RTF2: variants seen among roughly 807,000 people sequenced by gnomAD.
RTF2 encodes the protein replication termination factor 2.
In RTF2, 18 loss-of-function variants were observed where a neutral mutation model predicts 38.0. That is an observed-to-expected ratio of 0.47 (90% CI 0.33 to 0.70). The LOEUF (loss-of-function observed/expected upper bound fraction) is 0.70. Among genes scored for constraint, RTF2 ranks in the 30% least tolerant of loss-of-function variants. The pLI is 0.02. For missense variants in RTF2, 311 were observed against 379.6 expected (o/e 0.82, Z 1.50); for synonymous variants, 126 against 137.1 (o/e 0.92, Z 0.57).
At chr20:56,504,887 T>G (rs1413497532) in intron 5 of RTF2, among the ~76,000 whole-genome samples, 2 of 152,380 alleles carry the variant, frequency 1.3e-5, no homozygotes, top group African/African-American at 4.8e-5. Context: ...GGGGTGCCTC[T>G]GAGACACATG....
chr20:56,474,412 C>T (rs1181991509), intron 2 of RTF2, among the ~76,000 whole-genome samples: 2 of 152,248 alleles, frequency 1.3e-5, no homozygotes, highest in East Asian at 1.9e-4. Context: ...ATCCGGGAGG[C>T]GGAGGTTGCA....
chr20:56,479,520 G>A (rs116884928), intron 4 of RTF2, among the ~76,000 whole-genome samples: 2,126 of 152,208 alleles, frequency 0.014, 29 homozygotes, highest in Non-Finnish European at 0.022. Context: ...CCACCACAGC[G>A]GGCCAAATCA....
chr20:56,513,468 G>C (rs1338558941), intron 6 of RTF2, 40 bp downstream of exon 6: 1 of 1,553,914 alleles, frequency 6.4e-7, no homozygotes, highest in Non-Finnish European at 8.7e-7. Context: ...CCCCATCTCT[G>C]CTCCAGAGCC....
At chr20:56,490,553 G>A (rs1983056380) in intron 5 of RTF2, among the ~76,000 whole-genome samples, 3 of 152,212 alleles carry the variant, frequency 2.0e-5, no homozygotes, top group African/African-American at 7.2e-5. Context: ...GGTGGCTCAC[G>A]CCTGTGATCC....
At chr20:56,507,373 C>T (rs1446940687) in intron 5 of RTF2, among the ~76,000 whole-genome samples, 2 of 152,158 alleles carry the variant, frequency 1.3e-5, no homozygotes, top group Non-Finnish European at 2.9e-5. Flanking sequence ...GGACTCTGCC[C>T]AGTCTCCAGG....
chr20:56,468,797 G>C, intron 1 of RTF2, 31 bp downstream of exon 1: 2 of 1,536,756 alleles, frequency 1.3e-6, no homozygotes, highest in Non-Finnish European at 1.8e-6. Flanking sequence ...CTTGGCGACC[G>C]GGGGTGGTGG....
At chr20:56,468,998 A>G (rs1056550385) in intron 1 of RTF2, among the ~76,000 whole-genome samples, 2 of 152,226 alleles carry the variant, frequency 1.3e-5, no homozygotes, top group Admixed American at 6.5e-5. Flanking sequence ...TCATGTAATT[A>G]TCACAATAGC....
At chr20:56,516,317 C>T (rs574835215) in intron 6 of RTF2, 4 of 151,786 alleles carry the variant, frequency 2.6e-5, no homozygotes, top group South Asian at 2.1e-4. Flanking sequence ...GCTGTGTGAC[C>T]GTAGAATGGT....
intron 5 of RTF2, among the ~76,000 whole-genome samples, chr20:56,487,427 C>T (rs577357052): frequency 8.2e-4 from 125 of 152,308 alleles, no homozygotes; most frequent in African/African-American, 2.9e-3. Context: ...GACCAGGTGA[C>T]GAACAGGAGC....
intron 5 of RTF2, among the ~76,000 whole-genome samples, chr20:56,500,207 A>G (rs923031136): frequency 2.6e-5 from 4 of 151,588 alleles, no homozygotes; most frequent in African/African-American, 9.7e-5. Flanking sequence ...GGCATGCACC[A>G]CCACACTCAG....
intron 5 of RTF2, among the ~76,000 whole-genome samples, chr20:56,484,567 C>A (rs1447670918): frequency 1.3e-5 from 2 of 152,228 alleles, no homozygotes; most frequent in Admixed American, 1.3e-4. Context: ...CTCCTCCCAT[C>A]GTAATGTAAT....
chr20:56,470,715 A>G (rs976527747), intron 1 of RTF2: 9 of 455,688 alleles, frequency 2.0e-5, no homozygotes, highest in Non-Finnish European at 4.0e-5. Flanking sequence ...GAGAAGAGGA[A>G]TTGGACATGG....
chr20:56,511,191 A>G (rs1984644154), intron 5 of RTF2, among the ~76,000 whole-genome samples: 1 of 151,978 alleles, frequency 6.6e-6, no homozygotes, highest in Non-Finnish European at 1.5e-5. Context: ...CAGGTCCCCA[A>G]CCCCCATACC....
chr20:56,480,274 T>C (rs1171807305), intron 4 of RTF2, among the ~76,000 whole-genome samples: 3 of 152,218 alleles, frequency 2.0e-5, no homozygotes, highest in Non-Finnish European at 1.5e-5. Flanking sequence ...ACGCCTTCTT[T>C]CCCTAAACCT....
intron 5 of RTF2, among the ~76,000 whole-genome samples, chr20:56,500,959 G>T (rs1280911866): frequency 6.6e-6 from 1 of 151,762 alleles, no homozygotes. Flanking sequence ...ACAAGGTTTT[G>T]CCACACAAGC....
At chr20:56,501,894 G>C (rs1199255013) in intron 5 of RTF2, among the ~76,000 whole-genome samples, 1 of 152,114 alleles carries the variant, frequency 6.6e-6, no homozygotes, top group Non-Finnish European at 1.5e-5. Context: ...AAATTTGGGG[G>C]TTTGTGTGTG....
intron 5 of RTF2, among the ~76,000 whole-genome samples, chr20:56,489,535 T>G (rs546553113): frequency 1.4e-3 from 214 of 152,282 alleles, no homozygotes; most frequent in African/African-American, 4.5e-3. Flanking sequence ...AGCCCCACTT[T>G]CCCAGCTGTG....
At chr20:56,509,611 CAAAAA>C (rs567362731) in intron 5 of RTF2, among the ~76,000 whole-genome samples, 1 of 106,026 alleles carries the variant, frequency 9.4e-6, no homozygotes, top group Non-Finnish European at 1.9e-5. Flanking sequence ...GATCCCATCT[CAAAAA>C]AAAAAAAAAA....
intron 1 of RTF2, chr20:56,470,525 C>T: frequency 2.2e-6 from 1 of 452,188 alleles, no homozygotes. Context: ...GTGAAATCTG[C>T]CCTGGTTCCT....
Sources: allele counts gnomAD v4.1 joint callset (sites outside exome capture counted in the v4.1 genomes callset), GRCh38; gene constraint gnomAD v4.1.1; transcripts MANE v1.5; gene names NCBI Gene and HGNC (gene_info 2026-07-23, HGNC 2026-07-21).